FRMPD2: variants seen among roughly 807,000 people sequenced by gnomAD.
The protein encoded by FRMPD2 is FERM and PDZ domain containing 2.
Under a neutral mutation model 140.1 loss-of-function variants are expected in FRMPD2, and 96 were observed. The observed-to-expected ratio is 0.69, with a 90% CI of 0.58 to 0.81. FRMPD2 has a LOEUF of 0.81. FRMPD2 is among the 40% of genes least tolerant of loss of function. The pLI, the probability that FRMPD2 is intolerant of heterozygous loss-of-function variation, is 0.00. For synonymous variants in FRMPD2, 449 were observed against 547.6 expected, an observed-to-expected ratio of 0.82 and a Z score of 2.52; for missense variants, 1,240 against 1,447.4, an observed-to-expected ratio of 0.86 and a Z score of 2.32.
At chr10:48,237,910 A>G (rs1588847348) in intron 8 of FRMPD2, 81 bp downstream of exon 8, 1 of 1,549,078 alleles carries the variant, frequency 6.5e-7, no homozygotes, top group Non-Finnish European at 8.9e-7. Context: ...GACCCTGCCC[A>G]TTTTCAGCCA....
chr10:48,187,635 C>T (rs1838720452), intron 16 of FRMPD2, among the ~76,000 whole-genome samples: 1 of 152,214 alleles, frequency 6.6e-6, no homozygotes, highest in Admixed American at 6.5e-5. Flanking sequence ...AACATTCCTA[C>T]TTCCCAGGCT....
intron 18 of FRMPD2, 137 bp from the exon 19 acceptor site, chr10:48,185,018 C>G: frequency 1.6e-6 from 1 of 618,620 alleles, no homozygotes; most frequent in Non-Finnish European, 2.8e-6. Flanking sequence ...TTCTGATCCT[C>G]AAATAGAGGA....
intron 9 of FRMPD2, among the ~76,000 whole-genome samples, chr10:48,235,545 C>T (rs1319005917): frequency 6.6e-6 from 1 of 152,156 alleles, no homozygotes; most frequent in African/African-American, 2.4e-5. Flanking sequence ...TGGTGCTCTT[C>T]AGGGCAGGAA....
chr10:48,217,496 C>G (rs369528917), intron 12 of FRMPD2, among the ~76,000 whole-genome samples: 13 of 152,086 alleles, frequency 8.5e-5, no homozygotes, highest in Non-Finnish European at 1.8e-4. Context: ...GTTTTCAAAC[C>G]GCAGTCTGTA....
chr10:48,173,866 A>T (rs1334499481), intron 24 of FRMPD2, among the ~76,000 whole-genome samples: 1 of 151,976 alleles, frequency 6.6e-6, no homozygotes, highest in Non-Finnish European at 1.5e-5. Flanking sequence ...CCAAGCTCCC[A>T]TTCAGGGCAT....
At chr10:48,196,709 G>C (rs1181795654) in intron 15 of FRMPD2, among the ~76,000 whole-genome samples, 1 of 152,172 alleles carries the variant, frequency 6.6e-6, no homozygotes, top group East Asian at 1.9e-4. Flanking sequence ...TCGCTGAAAA[G>C]GGTTACATGA....
intron 16 of FRMPD2, among the ~76,000 whole-genome samples, chr10:48,189,559 C>T (rs780619896): frequency 6.6e-6 from 1 of 152,248 alleles, no homozygotes; most frequent in African/African-American, 2.4e-5. Flanking sequence ...TCCACACAGA[C>T]CCCATGTGGG....
Position 48,242,168 on chromosome 10 carries a change from A to G in FRMPD2, c.560T>C (p.Ile187Thr). The G allele has an allele frequency of 6.2e-7, 1 of 1,612,004 alleles. No homozygotes were observed. Among genetic ancestry groups the G allele is most frequent in the Non-Finnish European group, 8.5e-7 (1 of 1,178,754 alleles). The change falls in exon 5 of 29, where the codon ATT becomes ACT. Residue 187 changes from isoleucine (I) to threonine (T), a missense_variant. This residue lies in a region of FRMPD2 where 1,161 missense variants were observed against 1,055.9 expected (regional missense o/e 1.10). Coordinates refer to ENST00000374201, the MANE Select transcript of FRMPD2 (RefSeq NM_001018071.4). The part of the protein sequence containing the change: ...RRLVGLVLGT[I>T]SEVEKRVVEE... ...GCACGGTTCTCTACTGACCTCAGAA[A>G]TGGTACCCAGAACCAAGCCAACCAG...
chr10:48,210,509 A>C (rs1839295590), intron 13 of FRMPD2, among the ~76,000 whole-genome samples: 1 of 152,230 alleles, frequency 6.6e-6, no homozygotes, highest in African/African-American at 2.4e-5. Context: ...GGTAGCGTCC[A>C]TCCTGCAGAC....
At chr10:48,265,904 A>G (rs1198332984) in intron 1 of FRMPD2, among the ~76,000 whole-genome samples, 2 of 152,230 alleles carry the variant, frequency 1.3e-5, no homozygotes, top group African/African-American at 4.8e-5. Flanking sequence ...TATCATAAAG[A>G]AATACGCATG....
chr10:48,272,994 A>G (rs1454428016), intron 1 of FRMPD2, among the ~76,000 whole-genome samples: 1 of 152,224 alleles, frequency 6.6e-6, no homozygotes, highest in Non-Finnish European at 1.5e-5. Flanking sequence ...AAATCAACAA[A>G]TGCATGCTGT....
chr10:48,232,286 T>G lies in FRMPD2; in HGVS notation c.997A>C (p.Lys333Gln). The G allele has an allele frequency of 1.9e-6, 3 of 1,608,760 alleles. No individual in the cohort carries two copies. Among genetic ancestry groups the G allele is most frequent in the South Asian group, 1.1e-5 (1 of 90,294 alleles). Residue 333 changes from lysine to glutamine, a missense_variant, in exon 10 of 29, where the codon AAA becomes CAA. Transcript: ENST00000374201. The part of the protein sequence containing the change: ...TLHLPGSVVT[K>Q]KGKSYLALRD... ...AGAGCCAAATAGGATTTCCCTTTTTTGGTCTGAAAACAACAACAGTATCAA... is the reference window on the plus strand; with the variant it reads ...AGAGCCAAATAGGATTTCCCTTTTTGGGTCTGAAAACAACAACAGTATCAA...
intron 18 of FRMPD2, 129 bp downstream of exon 18, chr10:48,185,424 C>A: frequency 1.5e-6 from 1 of 665,750 alleles, no homozygotes; most frequent in South Asian, 1.7e-5. Flanking sequence ...GAAGTGATTA[C>A]CAGAAAAGGC....
intron 1 of FRMPD2, among the ~76,000 whole-genome samples, chr10:48,262,134 G>A (rs901756883): frequency 2.0e-5 from 3 of 152,010 alleles, no homozygotes; most frequent in African/African-American, 2.4e-5. Context: ...AAATATAAAG[G>A]TCTAAGTATG....
chr10:48,263,219 G>T (rs1840624645), intron 1 of FRMPD2, among the ~76,000 whole-genome samples: 1 of 151,968 alleles, frequency 6.6e-6, no homozygotes. Context: ...ATAGAAGAAA[G>T]ATCTAAAATT....
At chr10:48,259,726 A>G (rs1434142966) in intron 1 of FRMPD2, among the ~76,000 whole-genome samples, 2 of 151,958 alleles carry the variant, frequency 1.3e-5, no homozygotes, top group Non-Finnish European at 2.9e-5. Context: ...AGCCTGGGGT[A>G]ATAGACTCAC....
At chr10:48,182,874 G>A (rs1295853060) in intron 20 of FRMPD2, among the ~76,000 whole-genome samples, 1 of 152,214 alleles carries the variant, frequency 6.6e-6, no homozygotes, top group Non-Finnish European at 1.5e-5. Context: ...TGTCAGTGGA[G>A]GATGTGGAAG....
At position 48,247,558 on chromosome 10, in the gene FRMPD2, G is replaced by A. The variant is rs969797854; in HGVS notation, c.309+1463C>T. 2.6e-5 allele frequency among the ~76,000 whole-genome samples: 4 copies of A among 152,222 alleles called. No individual in the cohort carries two copies. The East Asian group carries it at 7.7e-4, about 29-fold the overall frequency. On this transcript the variant is annotated intron_variant, in intron 3 of 28. Transcript: ENST00000374201. ...CTAGCACTCAGGACTTCTCTAGAAA[G>A]CTTGCAAGGCTTGCACAGCACAAAG...
chr10:48,251,645 C>T lies in FRMPD2; in HGVS notation c.72G>A (p.Arg24=). 3 of 1,614,210 alleles carry T rather than the reference C, an allele frequency of 1.9e-6. No homozygotes were observed. The highest frequency in any genetic ancestry group is 1.1e-5 in the South Asian group (1 of 91,086). ...TTTCCTCCTCAGACAGAGCTTCACC[C>T]CTGACCTGTAGGGCGCTGGCCAGCG... ...SVTLASALQV[R]GEALSEEEIW... Residue 24 remains arginine, a synonymous_variant, in exon 2 of 29, where the codon AGG becomes AGA. Transcript: ENST00000374201.
Sources: gnomAD v4.1 joint callset for allele counts (sites outside exome capture counted in the v4.1 genomes callset) on GRCh38, gnomAD v4.1.1 for gene constraint, gnomAD v4.1.1 regional missense constraint, MANE v1.5 for transcripts, NCBI Gene and HGNC (gene_info 2026-07-23, HGNC 2026-07-21) for gene names.